The following PGM2 variants were observed in gnomAD, a reference collection of about 807,000 sequenced individuals.
PGM2 encodes phosphopentomutase.
A neutral mutation model predicts 74.6 loss-of-function variants in PGM2; 57 were observed. The observed-to-expected ratio is 0.76, with a 90% CI of 0.62 to 0.95. The LOEUF is 0.95. Among genes scored for constraint, PGM2 ranks in the 40% least tolerant of loss-of-function variants. The probability of loss-of-function intolerance (pLI) is 0.00; values close to 1 mark genes in which losing one functional copy is unlikely to be tolerated. For missense variants in PGM2, 706 were observed against 741.9 expected, an observed-to-expected ratio of 0.95 and a Z score of 0.56; for synonymous variants, 273 against 260.7, an observed-to-expected ratio of 1.05 and a Z score of -0.46.
rs78770034 is a variant in PGM2, at chr4:37,834,240, A to G, written c.250-378A>G. ...TCCTAGCTTCTCAGGAGGCTGAGGT[A>G]GGGGGGGATTGCTTAAACCCAGGAA... On this transcript the variant is annotated intron_variant, in intron 2 of 13. Coordinates refer to ENST00000381967, the MANE Select transcript of PGM2 (RefSeq NM_018290.4). Among the ~76,000 whole-genome samples the G allele has an allele frequency of 5.5e-5, 4 of 72,952 alleles. No individual in the cohort carries two copies. In the Middle Eastern group the frequency reaches 0.026, roughly 480 times the overall value. 47.9% of individuals were successfully genotyped at this position (72,952 alleles called of 152,430 possible).
rs756337023 is a variant in PGM2, at chr4:37,837,496, C to G, written c.357-33C>G. ...CACTCACAGTCCTGATCACTCAACT[C>G]TCCTTTTCTTCCCTGTCACTCTGCA... On this transcript the variant is annotated intron_variant, in intron 3 of 13. Coordinates refer to ENST00000381967, the MANE Select transcript of PGM2 (RefSeq NM_018290.4). 4.5e-6 allele frequency: 6 copies of G among 1,330,714 alleles called. No individual in the cohort carries two copies. The East Asian group carries it at 1.4e-4, about 30-fold the overall frequency. The allele number at this position is 1,330,714 out of a possible 1,614,324, so 82.4% of individuals were successfully genotyped here.
At position 37,831,192 on chromosome 4, in the gene PGM2, C is replaced by CAAAAAAAAAA. The variant is rs11432971; in HGVS notation, c.249+1073_249+1082dup. On this transcript the variant is annotated intron_variant, in intron 2 of 13. Transcript: ENST00000381967. ...TGGGCAACAGAGCAAGACTCTGTCT[C>CAAAAAAAAAA]AAAAAAAAAAAAAAAAAAAAAGAAT... 3.9e-4 allele frequency among the ~76,000 whole-genome samples: 29 copies of CAAAAAAAAAA among 74,050 alleles called. 1 individual carries two copies. Among genetic ancestry groups the CAAAAAAAAAA allele is most frequent in the East Asian group, 2.1e-3 (6 of 2,908 alleles). 48.6% of individuals were successfully genotyped at this position (74,050 alleles called of 152,430 possible).
At chr4:37,839,711 CA>C in intron 4 of PGM2, 136 bp from the exon 5 acceptor site, 1 of 700,106 alleles carries the variant, frequency 1.4e-6, no homozygotes, top group Non-Finnish European at 2.6e-6. Context: ...GGGTGTGGCT[CA>C]AAAATATTAT....
intron 11 of PGM2, among the ~76,000 whole-genome samples, chr4:37,849,034 C>A (rs1220117121): frequency 1.3e-5 from 2 of 148,888 alleles, no homozygotes; most frequent in East Asian, 2.0e-4. Flanking sequence ...CGCGCCATTG[C>A]ACTCCAGCCT....
chr4:37,847,853 A>C (rs1225646413), intron 10 of PGM2, among the ~76,000 whole-genome samples: 1 of 152,242 alleles, frequency 6.6e-6, no homozygotes, highest in Non-Finnish European at 1.5e-5. Context: ...ACATTGTACC[A>C]AACGCTTTTA....
At position 37,861,707 on chromosome 4, in the gene PGM2, T is replaced by G. The variant is rs760241224; in HGVS notation, c.*95T>G. On this transcript the variant is annotated 3_prime_UTR_variant, in exon 14 of 14. Coordinates refer to ENST00000381967, the MANE Select transcript of PGM2 (RefSeq NM_018290.4). ...TTTAAGGGCCAAATGATTCAAAACA[T>G]CACAGGTATTTATGTGTTTTACAAA... The G allele has an allele frequency of 5.7e-5, 43 of 749,664 alleles. No homozygotes were observed. Among genetic ancestry groups the G allele is most frequent in the Non-Finnish European group, 1.0e-4 (41 of 411,614 alleles). The allele number at this position is 749,664 out of a possible 1,614,324, so 46.4% of individuals were successfully genotyped here. A position where few individuals can be genotyped will look rare whatever the true frequency, so the allele number is the denominator to read the frequency against.
At chr4:37,837,162 T>G (rs1057068166) in intron 3 of PGM2, among the ~76,000 whole-genome samples, 2 of 152,166 alleles carry the variant, frequency 1.3e-5, no homozygotes, top group African/African-American at 4.8e-5. Flanking sequence ...TTTCGAGACA[T>G]TTCAGATGCC....
chr4:37,850,286 T>G lies in PGM2; in HGVS notation c.1515T>G (p.Asn505Lys). The G allele has an allele frequency of 6.3e-7, 1 of 1,595,222 alleles. No homozygotes were observed. The highest frequency in any genetic ancestry group is 8.5e-7 in the Non-Finnish European group (1 of 1,174,118). ...ENLRNYDGKN[N>K]YPKACGKFEI... ...TCAGAAACTACGATGGAAAAAATAA[T>G]TATCCAAAAGCTTGTGGCAAATTTG... The change falls in exon 12 of 14, where the codon AAT (asparagine) becomes AAG (lysine). Residue 505 changes from asparagine to lysine, a missense_variant. Physicochemically the swap from Asn to Lys is moderately conservative, Grantham distance 94. Coordinates refer to ENST00000381967, the MANE Select transcript of PGM2 (RefSeq NM_018290.4).
At chr4:37,859,495 C>G (rs1027994211) in intron 13 of PGM2, among the ~76,000 whole-genome samples, 1 of 152,156 alleles carries the variant, frequency 6.6e-6, no homozygotes, top group Non-Finnish European at 1.5e-5. Flanking sequence ...AGGTGGAATT[C>G]TTCAGGAAAA....
At chr4:37,849,689 G>C (rs7689032) in intron 11 of PGM2, among the ~76,000 whole-genome samples, 4 of 151,890 alleles carry the variant, frequency 2.6e-5, no homozygotes, top group African/African-American at 9.7e-5. Flanking sequence ...GATTACAGGC[G>C]TGAGCCACTG....
In PGM2 at chr4:37,855,746, G is replaced by A. The variant is rs192850801; in HGVS notation, c.1736+5G>A. ...GTGTGCCCCACCTGGGAACAGGTAT[G>A]ATGTGGATGGCAGCTGGTGTGATTT... is the stretch of plus-strand genomic sequence containing the variant. On this transcript the variant is annotated splice_donor_5th_base_variant and intron_variant, in intron 13 of 13. Transcript: ENST00000381967. 38 of 1,596,696 alleles carry A rather than the reference G, an allele frequency of 2.4e-5. No homozygotes were observed. In the East Asian group the frequency reaches 8.4e-4, roughly 35 times the overall value.
chr4:37,839,380 G>A, intron 4 of PGM2: 2 of 352,938 alleles, frequency 5.7e-6, no homozygotes, highest in Non-Finnish European at 1.1e-5. Flanking sequence ...CTCTCAAAGT[G>A]GTGGGATTAC....
chr4:37,841,839 C>T (rs571661147), intron 6 of PGM2, among the ~76,000 whole-genome samples: 6 of 152,188 alleles, frequency 3.9e-5, no homozygotes, highest in Non-Finnish European at 7.3e-5. Flanking sequence ...GGTGTGTGCG[C>T]GCGTGCATGC....
In PGM2 at chr4:37,840,070, A is replaced by G. The variant is rs747713507; in HGVS notation, c.530A>G (p.Tyr177Cys). Reference sequence around the variant, plus strand: ...ATGTGTTCCTGGGTCCTCTAGGTCTATTGGGATAATGGAGCTCAGATCATT... The same window carrying G: ...ATGTGTTCCTGGGTCCTCTAGGTCTGTTGGGATAATGGAGCTCAGATCATT... ...NPKQDNGYKVYWDNGAQIISP... is the reference protein window; with the variant it reads ...NPKQDNGYKVCWDNGAQIISP... The change falls in exon 6 of 14, where the codon TAT (tyrosine) becomes TGT (cysteine). Residue 177 changes from tyrosine (Y) to cysteine (C), a missense_variant. Tyr to Cys is a radical substitution (Grantham distance 194). Coordinates refer to ENST00000381967, the MANE Select transcript of PGM2 (RefSeq NM_018290.4). 2.0e-5 allele frequency: 32 copies of G among 1,612,802 alleles called. No individual in the cohort carries two copies. Among genetic ancestry groups the G allele is most frequent in the Non-Finnish European group, 2.5e-5 (30 of 1,179,094 alleles).
At chr4:37,854,144 G>A (rs889652319) in intron 12 of PGM2, among the ~76,000 whole-genome samples, 3 of 152,080 alleles carry the variant, frequency 2.0e-5, no homozygotes, top group Non-Finnish European at 4.4e-5. Flanking sequence ...TTTCTGACTT[G>A]TGCGATCGGT....
In PGM2 at chr4:37,852,106, A is replaced by AC. The variant is rs1191653997; in HGVS notation, c.1602+1735dup. 5.8e-5 allele frequency among the ~76,000 whole-genome samples: 8 copies of AC among 138,966 alleles called. No individual in the cohort carries two copies. In the East Asian group the frequency reaches 1.7e-3, roughly 29 times the overall value. The allele number at this position is 138,966 out of a possible 152,430, so 91.2% of individuals were successfully genotyped here. A position where few individuals can be genotyped will look rare whatever the true frequency, so the allele number is the denominator to read the frequency against. On this transcript the variant is annotated intron_variant, in intron 12 of 13. Coordinates refer to ENST00000381967, the MANE Select transcript of PGM2 (RefSeq NM_018290.4). Reference sequence around the variant, plus strand: ...CACCTCACCCTCCTGAGTAGCTAGGACCAAGGGTATGCCATCATGCCCAGC... The same window carrying AC: ...CACCTCACCCTCCTGAGTAGCTAGGACCCAAGGGTATGCCATCATGCCCAGC...
At chr4:37,845,825 A>G in intron 8 of PGM2, 95 bp downstream of exon 8, 1 of 806,582 alleles carries the variant, frequency 1.2e-6, no homozygotes, top group South Asian at 1.4e-5. Flanking sequence ...CTATTTGGAA[A>G]CATTTCCCAT....
At chr4:37,835,315 G>C (rs1239421519) in intron 3 of PGM2, among the ~76,000 whole-genome samples, 1 of 152,160 alleles carries the variant, frequency 6.6e-6, no homozygotes, top group Non-Finnish European at 1.5e-5. Context: ...ACTAGTACCA[G>C]GGGTCAGCAA....
At chr4:37,831,094 T>G (rs1725429809) in intron 2 of PGM2, among the ~76,000 whole-genome samples, 1 of 147,384 alleles carries the variant, frequency 6.8e-6, no homozygotes, top group Admixed American at 7.1e-5. Context: ...CTTGGGAGGC[T>G]GAGACAGAAG....
Sources: gnomAD v4.1 joint callset for allele counts (sites outside exome capture counted in the v4.1 genomes callset) on GRCh38, gnomAD v4.1.1 for gene constraint, MANE v1.5 for transcripts, NCBI Gene and HGNC (gene_info 2026-07-23, HGNC 2026-07-21) for gene names.